MYO18B: variants seen among roughly 807,000 people sequenced by gnomAD.
MYO18B encodes unconventional myosin-XVIIIb.
In MYO18B, 204 loss-of-function variants were observed where a neutral mutation model predicts 273.0. That is an observed-to-expected ratio of 0.75 (90% CI 0.67 to 0.84). MYO18B has a LOEUF of 0.84. Ranked by LOEUF, MYO18B falls within the 40% of genes least tolerant of loss-of-function variation. The pLI, the probability that MYO18B is intolerant of heterozygous loss-of-function variation, is 0.00. For synonymous variants in MYO18B, 1,330 were observed against 1,305.7 expected (o/e 1.02, Z -0.40); for missense variants, 3,212 against 3,287.6 (o/e 0.98, Z 0.56).
At chr22:25,843,642 G>A (rs374052545) in intron 17 of MYO18B, 93 bp from the exon 18 acceptor site, 41 of 1,346,688 alleles carry the variant, frequency 3.0e-5, no homozygotes, top group Middle Eastern at 1.9e-4. Context: ...CTGGAAACAC[G>A]TTAAGATGGA....
rs1450597515 is a variant in MYO18B at position 26,018,557 on chromosome 22, G to C, written c.6471-7888G>C. Among the ~76,000 whole-genome samples the C allele has an allele frequency of 2.0e-5, 3 of 152,180 alleles. No homozygotes were observed. The South Asian group carries it at 6.2e-4, about 32-fold the overall frequency. On this transcript the variant is annotated intron_variant, in intron 42 of 43. Transcript: ENST00000335473. ...AGATTGAATAAGCTAAGAATCAATA[G>C]GAGGAATCTTCTGCTTTTGCTTGGA...
At chr22:25,906,895 A>C (rs2092056256) in intron 31 of MYO18B, among the ~76,000 whole-genome samples, 1 of 151,880 alleles carries the variant, frequency 6.6e-6, no homozygotes, top group Non-Finnish European at 1.5e-5. Flanking sequence ...TGATCCAATC[A>C]CCTCCCACCA....
chr22:25,831,622 A>T (rs897903334), intron 15 of MYO18B, among the ~76,000 whole-genome samples: 3 of 152,172 alleles, frequency 2.0e-5, no homozygotes, highest in Non-Finnish European at 4.4e-5. Flanking sequence ...ACCTCAGGTG[A>T]TCCGCCTGCC....
rs1319533946 is a variant in MYO18B at position 25,770,914 on chromosome 22, C to T, written c.1622C>T (p.Ala541Val). The T allele has an allele frequency of 3.9e-6, 6 of 1,552,160 alleles. No homozygotes were observed. In the Admixed American group the frequency reaches 9.8e-5, roughly 25 times the overall value. Reference protein sequence around the residue: ...KPDEGTADLPAGRVRLWIDAD... With the variant: ...KPDEGTADLPVGRVRLWIDAD... ...GATGAGGGAACAGCAGACCTGCCAG[C>T]AGGAAGGGTGAGACTTTGGATTGAT... is the stretch of plus-strand genomic sequence containing the variant. The change falls in exon 6 of 44, where the codon GCA becomes GTA. Residue 541 changes from alanine (A) to valine (V), a missense_variant. Transcript: ENST00000335473.
rs377761898 is a variant in MYO18B, at chr22:25,755,319, G to A, written c.-109-5665G>A. Reference sequence around the variant, plus strand: ...CCTCCCAGGTTCAAGCGATTCTCCTGCCTCAGCCTCTCCAGTAGCTGAGAT... The same window carrying A: ...CCTCCCAGGTTCAAGCGATTCTCCTACCTCAGCCTCTCCAGTAGCTGAGAT... On this transcript the variant is annotated intron_variant, in intron 1 of 43. Transcript: ENST00000335473. 7.2e-5 allele frequency among the ~76,000 whole-genome samples: 11 copies of A among 152,208 alleles called. No individual in the cohort carries two copies. In the East Asian group the frequency reaches 1.9e-3, roughly 27 times the overall value.
rs548694563 is a variant in MYO18B at position 25,766,908 on chromosome 22, T to C, written c.199-1207T>C. Among the ~76,000 whole-genome samples, 46 of 152,296 alleles carry C rather than the reference T, an allele frequency of 3.0e-4. 1 individual carries two copies. The highest frequency in any genetic ancestry group is 9.1e-4 in the African/African-American group (38 of 41,566). ...GACAGCAGTTCACGGGCTGTGGCAA[T>C]GGCCCAAGTGAGGGATAGCGGACAT... On this transcript the variant is annotated intron_variant, in intron 3 of 43. Coordinates refer to ENST00000335473, the MANE Select transcript of MYO18B (RefSeq NM_032608.7).
chr22:25,849,198 C>T (rs138247495), intron 20 of MYO18B, among the ~76,000 whole-genome samples: 399 of 152,292 alleles, frequency 2.6e-3, no homozygotes, highest in African/African-American at 8.8e-3. Context: ...CCTGTGCGCA[C>T]GCAGGGTCAG....
At chr22:25,850,360 T>C (rs1204601517) in intron 20 of MYO18B, among the ~76,000 whole-genome samples, 7 of 152,146 alleles carry the variant, frequency 4.6e-5, no homozygotes, top group Admixed American at 4.6e-4. Flanking sequence ...CGTCTTTGGC[T>C]ACTCTCCGCT....
intron 2 of MYO18B, among the ~76,000 whole-genome samples, chr22:25,761,390 G>T (rs1157089359): frequency 2.0e-5 from 3 of 152,136 alleles, no homozygotes; most frequent in Non-Finnish European, 1.5e-5. Flanking sequence ...GGTGGTGGTG[G>T]TGGTGGTGGG....
chr22:25,764,141 C>G (rs16980690), intron 3 of MYO18B, among the ~76,000 whole-genome samples: 2,932 of 152,256 alleles, frequency 0.019, 86 homozygotes, highest in African/African-American at 0.061. Flanking sequence ...GGTGTCCGTC[C>G]TGATTGGTTG....
chr22:25,859,230 G>T (rs1000434127), intron 21 of MYO18B, among the ~76,000 whole-genome samples: 1 of 152,016 alleles, frequency 6.6e-6, no homozygotes, highest in Non-Finnish European at 1.5e-5. Context: ...AATATTTTTT[G>T]ATTAATAGTA....
chr22:25,903,698 T>C lies in MYO18B; in HGVS notation c.5015T>C (p.Leu1672Pro). Reference protein sequence around the residue: ...VEMLQDHKRELLGSPSLGENC... With the variant: ...VEMLQDHKREPLGSPSLGENC... ...ATGCTACAGGACCATAAACGGGAGC[T>C]GCTGGGGTCACCCTCTCTGGGGGAA... The change falls in exon 31 of 44, where the codon CTG (leucine) becomes CCG (proline). Residue 1672 changes from leucine (L) to proline (P), a missense_variant. Leu to Pro is a moderately conservative substitution (Grantham distance 98). Transcript: ENST00000335473. The C allele has an allele frequency of 1.2e-6, 2 of 1,609,730 alleles. No individual in the cohort carries two copies. Among genetic ancestry groups the C allele is most frequent in the East Asian group, 2.2e-5 (1 of 44,744 alleles).
At chr22:25,803,967 AACACACACACACACACACAC>A (rs151023852) in intron 12 of MYO18B, among the ~76,000 whole-genome samples, 132 of 136,958 alleles carry the variant, frequency 9.6e-4, no homozygotes, top group African/African-American at 3.4e-3. Flanking sequence ...TGACCCAGTG[AACACACACACACACACACAC>A]ACACACACAC....
intron 39 of MYO18B, among the ~76,000 whole-genome samples, chr22:25,990,792 G>A (rs901894653): frequency 2.7e-5 from 4 of 147,438 alleles, no homozygotes; most frequent in Non-Finnish European, 5.9e-5. Context: ...TAGCTACTCA[G>A]TTCCATGGGG....
intron 13 of MYO18B, 23 bp from the exon 14 acceptor site, chr22:25,826,386 G>A (rs368536629): frequency 4.5e-5 from 72 of 1,595,942 alleles, no homozygotes; most frequent in Non-Finnish European, 6.0e-6. Flanking sequence ...AACCAAGAAT[G>A]CTGATTCTGT....
intron 39 of MYO18B, among the ~76,000 whole-genome samples, chr22:25,967,451 C>A (rs992787204): frequency 6.6e-6 from 1 of 152,176 alleles, no homozygotes; most frequent in Non-Finnish European, 1.5e-5. Flanking sequence ...GTTTTTGATT[C>A]ATTTCCAAAG....
Position 25,990,686 on chromosome 22 carries a change from C to CAAAA in MYO18B, c.6157-1646_6157-1643dup, listed in dbSNP as rs745998234. Among the ~76,000 whole-genome samples the CAAAA allele has an allele frequency of 1.2e-3, 33 of 27,038 alleles. 3 individuals carry two copies. Among genetic ancestry groups the CAAAA allele is most frequent in the South Asian group, 0.012 (4 of 338 alleles). 17.7% of individuals were successfully genotyped at this position (27,038 alleles called of 152,430 possible). A position where few individuals can be genotyped will look rare whatever the true frequency, so the allele number is the denominator to read the frequency against. ...TGTGCAACAGAGCAAGACTTTGTCT[C>CAAAA]AAAAAAAAAAAAAAAAAAAAAAAAA... On this transcript the variant is annotated intron_variant, in intron 39 of 43. Coordinates refer to ENST00000335473, the MANE Select transcript of MYO18B (RefSeq NM_032608.7).
At chr22:25,841,412 C>G (rs1490307920) in intron 17 of MYO18B, among the ~76,000 whole-genome samples, 1 of 151,852 alleles carries the variant, frequency 6.6e-6, no homozygotes, top group African/African-American at 2.4e-5. Flanking sequence ...ATGAGGGGAA[C>G]AAGCAGGCCT....
Position 26,030,525 on chromosome 22 carries a change from A to G in MYO18B, c.*95A>G, listed in dbSNP as rs1936613035. ...GACTGGCCAGGCCTCCCCGGTGGCC[A>G]GAGCCAGCCAGCATGGCCACCCTCA... On this transcript the variant is annotated 3_prime_UTR_variant, in exon 44 of 44. Coordinates refer to ENST00000335473, the MANE Select transcript of MYO18B (RefSeq NM_032608.7). 3 of 173,054 alleles carry G rather than the reference A, an allele frequency of 1.7e-5. No homozygotes were observed. The highest frequency in any genetic ancestry group is 3.7e-5 in the Non-Finnish European group (3 of 81,780). 10.7% of individuals were successfully genotyped at this position (173,054 alleles called of 1,614,324 possible).
Sources: gnomAD v4.1 joint callset for allele counts (sites outside exome capture counted in the v4.1 genomes callset) on GRCh38, gnomAD v4.1.1 for gene constraint, MANE v1.5 for transcripts, NCBI Gene and HGNC (gene_info 2026-07-23, HGNC 2026-07-21) for gene names.